ERC1: variants seen among roughly 807,000 people sequenced by gnomAD.
ERC1 encodes RAB6 interacting protein 2.
A neutral mutation model predicts 132.0 loss-of-function variants in ERC1; 56 were observed. The observed-to-expected ratio is 0.42, with a 90% CI of 0.34 to 0.53. The LOEUF (loss-of-function observed/expected upper bound fraction) is 0.53. Ranked by LOEUF, ERC1 falls within the 20% of genes least tolerant of loss-of-function variation. ERC1 has a pLI of 0.03. For synonymous variants in ERC1, 478 were observed against 476.1 expected (o/e 1.00, Z -0.05); for missense variants, 1,202 against 1,349.9 (o/e 0.89, Z 1.72).
At chr12:1,000,524 T>C (rs935039180) in intron 1 of ERC1, among the ~76,000 whole-genome samples, 5 of 151,634 alleles carry the variant, frequency 3.3e-5, no homozygotes, top group African/African-American at 1.2e-4. Flanking sequence ...GATGAAAATT[T>C]TGGGATGAAA....
chr12:1,093,765 TTCTGAA>T (rs1943554263), intron 3 of ERC1, among the ~76,000 whole-genome samples: 2 of 151,506 alleles, frequency 1.3e-5, no homozygotes, highest in African/African-American at 4.8e-5. Context: ...GGCTAGGGAA[TTCTGAA>T]TCTAACTAGC....
At chr12:1,362,326 G>A (rs1325369305) in intron 15 of ERC1, among the ~76,000 whole-genome samples, 8 of 152,138 alleles carry the variant, frequency 5.3e-5, no homozygotes, top group Non-Finnish European at 1.2e-4. Context: ...GAGTTCTTCT[G>A]CCCTAGACCT....
chr12:1,262,957 C>A, intron 13 of ERC1, 77 bp from the exon 14 acceptor site: 1 of 1,435,552 alleles, frequency 7.0e-7, no homozygotes, highest in South Asian at 1.3e-5. Flanking sequence ...AATAAGCAAA[C>A]AGCCCTTTCT....
intron 16 of ERC1, among the ~76,000 whole-genome samples, chr12:1,405,139 C>CA (rs1414768051): frequency 2.1e-5 from 2 of 96,028 alleles, no homozygotes; most frequent in African/African-American, 1.1e-4. Context: ...GACTCCGGCT[C>CA]AAAAAATATA....
rs568077757 is a variant in ERC1 at position 1,055,119 on chromosome 12, AAG to A, written c.669+26553_669+26554del. ...TCATTAAGGTGCAACTTATTCATGT[AAG>A]AGAGATGTTTAATGTTAAGGATTTC... On this transcript the variant is annotated intron_variant, in intron 2 of 18. Transcript: ENST00000360905. Among the ~76,000 whole-genome samples the A allele has an allele frequency of 6.6e-5, 10 of 152,284 alleles. No individual in the cohort carries two copies. The East Asian group carries it at 1.9e-3, about 29-fold the overall frequency.
chr12:1,417,300 A>G (rs12422234), intron 17 of ERC1, among the ~76,000 whole-genome samples: 14,732 of 152,154 alleles, frequency 0.097, 1,404 homozygotes, highest in African/African-American at 0.24. Context: ...TGCTATTAAA[A>G]GCCAAGCTTT....
chr12:1,405,607 G>A (rs1015163881), intron 16 of ERC1, among the ~76,000 whole-genome samples: 4 of 152,272 alleles, frequency 2.6e-5, no homozygotes, highest in African/African-American at 4.8e-5. Flanking sequence ...GGAGGCTGAG[G>A]CAGGAGAATC....
At chr12:1,331,656 C>T (rs145043526) in intron 15 of ERC1, among the ~76,000 whole-genome samples, 46 of 152,268 alleles carry the variant, frequency 3.0e-4, no homozygotes, top group African/African-American at 9.9e-4. Context: ...GGTGAGTACA[C>T]GATTGCAGTT....
intron 7 of ERC1, among the ~76,000 whole-genome samples, chr12:1,137,905 TTA>T (rs1949418775): frequency 7.1e-6 from 1 of 141,520 alleles, no homozygotes. Context: ...TGTATATTAT[TTA>T]TATGTATTAT....
intron 14 of ERC1, among the ~76,000 whole-genome samples, chr12:1,279,006 T>G (rs2078474186): frequency 6.6e-6 from 1 of 152,140 alleles, no homozygotes; most frequent in Non-Finnish European, 1.5e-5. Flanking sequence ...GGAGTGTAAA[T>G]TAGTTGGAAT....
intron 8 of ERC1, among the ~76,000 whole-genome samples, chr12:1,149,800 A>G (rs1950677643): frequency 6.6e-6 from 1 of 152,218 alleles, no homozygotes; most frequent in Non-Finnish European, 1.5e-5. Flanking sequence ...CATGGAGATA[A>G]AGTGTATTAC....
chr12:1,322,165 T>G (rs2082158254), intron 15 of ERC1, among the ~76,000 whole-genome samples: 1 of 142,076 alleles, frequency 7.0e-6, no homozygotes, highest in Non-Finnish European at 1.6e-5. Flanking sequence ...AAATTTGTCT[T>G]TTTGAACCAA....
At chr12:1,121,699 ATCTCTATCTGTGTC>A (rs1566012378) in intron 7 of ERC1, among the ~76,000 whole-genome samples, 9 of 59,950 alleles carry the variant, frequency 1.5e-4, no homozygotes, top group African/African-American at 5.2e-4. Flanking sequence ...CTCTATCTCT[ATCTCTATCTGTGTC>A]TCTATCTCTA....
At chr12:1,037,237 G>C (rs1037005471) in intron 2 of ERC1, among the ~76,000 whole-genome samples, 2 of 152,140 alleles carry the variant, frequency 1.3e-5, no homozygotes, top group African/African-American at 2.4e-5. Flanking sequence ...ATTTTCCTCT[G>C]TCTTTTTGGA....
intron 3 of ERC1, among the ~76,000 whole-genome samples, chr12:1,096,597 C>T (rs927989262): frequency 4.0e-4 from 61 of 152,066 alleles, no homozygotes; most frequent in African/African-American, 1.4e-3. Context: ...AGGAGGCTGA[C>T]GAGTTTGTCG....
chr12:1,304,201 C>T (rs1386387690), intron 15 of ERC1, among the ~76,000 whole-genome samples: 1 of 152,090 alleles, frequency 6.6e-6, no homozygotes, highest in Admixed American at 6.5e-5. Flanking sequence ...GGTGTAAATA[C>T]CACTACAGTC....
chr12:1,184,868 T>G (rs1954894735), intron 11 of ERC1, among the ~76,000 whole-genome samples: 1 of 152,148 alleles, frequency 6.6e-6, no homozygotes, highest in Non-Finnish European at 1.5e-5. Flanking sequence ...TCTTCCTGCC[T>G]CATCCTCTTG....
chr12:1,053,495 A>G lies in ERC1; in HGVS notation c.669+24923A>G, dbSNP rs983128860. ...GGATTCCCTGAACTTGCTAGCTTCTATAAATCCTCCTCACCATTCTTCGAA... is the reference window on the plus strand; with the variant it reads ...GGATTCCCTGAACTTGCTAGCTTCTGTAAATCCTCCTCACCATTCTTCGAA... On this transcript the variant is annotated intron_variant, in intron 2 of 18. Coordinates refer to ENST00000360905, the MANE Select transcript of ERC1 (RefSeq NM_178040.4). 2.6e-5 allele frequency among the ~76,000 whole-genome samples: 4 copies of G among 152,324 alleles called. No homozygotes were observed. In the East Asian group the frequency reaches 7.7e-4, roughly 29 times the overall value.
At chr12:1,365,685 T>C (rs183511357) in intron 15 of ERC1, among the ~76,000 whole-genome samples, 15 of 152,340 alleles carry the variant, frequency 9.8e-5, no homozygotes, top group Admixed American at 3.3e-4. Context: ...TTAAGCAGTT[T>C]AGGCTAATGC....
Sources: gnomAD v4.1 joint callset for allele counts (sites outside exome capture counted in the v4.1 genomes callset) on GRCh38, gnomAD v4.1.1 for gene constraint, MANE v1.5 for transcripts, NCBI Gene and HGNC (gene_info 2026-07-23, HGNC 2026-07-21) for gene names.